The following SOX5 variants were observed in gnomAD, a reference collection of about 807,000 sequenced individuals.
The protein encoded by SOX5 is SRY-box transcription factor 5, also known as transcription factor SOX-5.
SOX5 carries 9 observed loss-of-function variants against 92.0 expected under a neutral mutation model. That is an observed-to-expected ratio of 0.10 (90% CI 0.06 to 0.17). The LOEUF is 0.17. Among genes scored for constraint, SOX5 ranks in the 10% least tolerant of loss-of-function variants. The pLI is 1.00. For synonymous variants in SOX5, 344 were observed against 336.3 expected (o/e 1.02, Z -0.25); for missense variants, 642 against 944.5 (o/e 0.68, Z 4.20).
rs1435137324 is a variant in SOX5 at position 23,640,861 on chromosome 12, A to G, written c.968T>C (p.Met323Thr). 1.9e-6 allele frequency: 3 copies of G among 1,614,078 alleles called. No homozygotes were observed. Among genetic ancestry groups the G allele is most frequent in the Non-Finnish European group, 2.5e-6 (3 of 1,179,922 alleles). Residue 323 changes from methionine to threonine, a missense_variant, in exon 8 of 15, where the codon ATG becomes ACG. By Grantham distance (81) the Met-to-Thr change is moderately conservative (BLOSUM62 -1). This residue lies in a region of SOX5 where 324 missense variants were observed against 461.6 expected (regional missense o/e 0.70). Coordinates refer to ENST00000451604, the MANE Select transcript of SOX5 (RefSeq NM_006940.6). ...TGGTGTTGCTGCGGCAGCAGCTGCCATGGTAGTTGGGATCAGCTGAACAGG... is the reference window on the plus strand; with the variant it reads ...TGGTGTTGCTGCGGCAGCAGCTGCCGTGGTAGTTGGGATCAGCTGAACAGG... ...PYPVQLIPTT[M>T]AAAAAATPGL...
intron 4 of SOX5, among the ~76,000 whole-genome samples, chr12:24,037,376 T>C (rs1956142177): frequency 2.6e-5 from 4 of 152,158 alleles, no homozygotes; most frequent in Admixed American, 2.0e-4. Context: ...GTAACTCCCA[T>C]TAAAAGACAG....
intron 3 of SOX5, among the ~76,000 whole-genome samples, chr12:24,225,198 A>G (rs1006444101): frequency 5.9e-5 from 9 of 152,202 alleles, no homozygotes; most frequent in Non-Finnish European, 7.4e-5. Context: ...AAGGAATGTC[A>G]GGACCAAAAT....
Position 23,591,581 on chromosome 12 carries a change from C to A in SOX5, c.1164+12806G>T, listed in dbSNP as rs1951561564. 2.0e-5 allele frequency among the ~76,000 whole-genome samples: 3 copies of A among 151,994 alleles called. No individual in the cohort carries two copies. In the South Asian group the frequency reaches 6.2e-4, roughly 31 times the overall value. ...CCTAGAGGTTCTCTTAAAATGGGAC[C>A]AGAATCATCATTTTTTAGAGAAACG... is the stretch of plus-strand genomic sequence containing the variant. On this transcript the variant is annotated intron_variant, in intron 9 of 14. Transcript: ENST00000451604.
intron 3 of SOX5, among the ~76,000 whole-genome samples, chr12:23,759,938 AT>A (rs1034228431): frequency 6.6e-6 from 1 of 151,734 alleles, no homozygotes; most frequent in Non-Finnish European, 1.5e-5. Flanking sequence ...GTTTCCTTTA[AT>A]TTTTTTTAAA....
intron 4 of SOX5, among the ~76,000 whole-genome samples, chr12:24,019,755 A>G (rs1026027002): frequency 1.3e-5 from 2 of 152,198 alleles, no homozygotes; most frequent in Admixed American, 6.5e-5. Flanking sequence ...TTACTACTAT[A>G]AGAAGCCATT....
intron 4 of SOX5, among the ~76,000 whole-genome samples, chr12:23,971,417 T>C (rs1420308429): frequency 6.6e-6 from 1 of 151,756 alleles, no homozygotes; most frequent in Non-Finnish European, 1.5e-5. Flanking sequence ...CCACCGCGCC[T>C]GGCCATCAGC....
chr12:24,463,959 T>C (rs985419323), intron 1 of SOX5, among the ~76,000 whole-genome samples: 1 of 152,226 alleles, frequency 6.6e-6, no homozygotes, highest in African/African-American at 2.4e-5. Flanking sequence ...ATTGGCTTTA[T>C]TTAGCAAAAT....
chr12:23,781,687 G>A (rs975118501), intron 3 of SOX5, among the ~76,000 whole-genome samples: 6 of 151,516 alleles, frequency 4.0e-5, no homozygotes, highest in Admixed American at 1.3e-4. Context: ...TCTCTCCCCC[G>A]CTTTTACCCC....
intron 2 of SOX5, 86 bp from the exon 3 acceptor site, chr12:23,846,279 C>A: frequency 9.8e-7 from 1 of 1,022,674 alleles, no homozygotes; most frequent in South Asian, 1.4e-5. Context: ...AAAGAGAAAG[C>A]AAAAGGACAA....
chr12:24,270,289 G>A (rs1411657497), intron 3 of SOX5, among the ~76,000 whole-genome samples: 1 of 152,034 alleles, frequency 6.6e-6, no homozygotes, highest in East Asian at 1.9e-4. Context: ...TTGAACTCCT[G>A]AGCTCGTGAT....
intron 4 of SOX5, among the ~76,000 whole-genome samples, chr12:24,052,384 T>A (rs181492990): frequency 1.3e-5 from 2 of 152,316 alleles, no homozygotes; most frequent in East Asian, 3.9e-4. Context: ...ATATTACCTT[T>A]AAAATATTTA....
intron 1 of SOX5, among the ~76,000 whole-genome samples, chr12:24,472,874 C>T (rs7308268): frequency 0.069 from 10,530 of 151,756 alleles, 419 homozygotes; most frequent in Admixed American, 0.077. Flanking sequence ...AAAACAATAC[C>T]TATTGTGTTA....
intron 1 of SOX5, among the ~76,000 whole-genome samples, chr12:23,921,451 G>T (rs924301919): frequency 5.3e-5 from 8 of 151,492 alleles, no homozygotes; most frequent in Admixed American, 4.6e-4. Flanking sequence ...CAGACAAAAA[G>T]AATTTGGTAT....
At chr12:23,863,126 G>T (rs147933905) in intron 2 of SOX5, among the ~76,000 whole-genome samples, 45 of 152,166 alleles carry the variant, frequency 3.0e-4, no homozygotes, top group Middle Eastern at 3.4e-3. Flanking sequence ...TGAATACTGC[G>T]AATTTTTCAT....
At chr12:24,105,280 C>T (rs182604514) in intron 4 of SOX5, among the ~76,000 whole-genome samples, 42 of 152,168 alleles carry the variant, frequency 2.8e-4, no homozygotes, top group African/African-American at 7.7e-4. Flanking sequence ...GTGGCTCACG[C>T]CTGTAATCCC....
At chr12:23,546,767 A>G (rs1024348193) in intron 11 of SOX5, among the ~76,000 whole-genome samples, 1 of 152,140 alleles carries the variant, frequency 6.6e-6, no homozygotes, top group Non-Finnish European at 1.5e-5. Context: ...TGTCTGCTTT[A>G]TTTTTGGCCA....
intron 8 of SOX5, among the ~76,000 whole-genome samples, chr12:23,605,777 T>G (rs944458865): frequency 6.6e-6 from 1 of 151,914 alleles, no homozygotes; most frequent in Non-Finnish European, 1.5e-5. Context: ...AAAATACACA[T>G]ACATAAGTCT....
intron 1 of SOX5, among the ~76,000 whole-genome samples, chr12:24,515,462 T>C (rs182361272): frequency 0.025 from 3,767 of 152,314 alleles, 55 homozygotes; most frequent in Middle Eastern, 0.044. Flanking sequence ...CATTGCCAGA[T>C]GTAACAGAAG....
chr12:24,436,754 C>G (rs1939508105), intron 1 of SOX5, among the ~76,000 whole-genome samples: 1 of 152,184 alleles, frequency 6.6e-6, no homozygotes, highest in South Asian at 2.1e-4. Flanking sequence ...ACTTTCACAG[C>G]TAGAGAGGAG....
Sources: allele counts gnomAD v4.1 joint callset (sites outside exome capture counted in the v4.1 genomes callset), GRCh38; gene constraint gnomAD v4.1.1; regional missense constraint gnomAD v4.1.1; transcripts MANE v1.5; gene names NCBI Gene and HGNC (gene_info 2026-07-23, HGNC 2026-07-21).